Variants in NTRK3 observed in about 807,000 individuals in gnomAD.
NTRK3 encodes NT-3 growth factor receptor.
Under a neutral mutation model 91.7 loss-of-function variants are expected in NTRK3, and 24 were observed. The observed-to-expected ratio is 0.26, with a 90% CI of 0.19 to 0.37. The LOEUF (loss-of-function observed/expected upper bound fraction) is 0.37, where lower values mean the gene tolerates loss of function less well. Ranked by LOEUF, NTRK3 falls within the 10% of genes least tolerant of loss-of-function variation. The pLI is 1.00. For missense variants in NTRK3, 880 were observed against 1,068.9 expected (o/e 0.82, Z 2.46); for synonymous variants, 483 against 404.0 (o/e 1.20, Z -2.34).
At chr15:88,156,420 C>A (rs2043907848) in intron 5 of NTRK3, among the ~76,000 whole-genome samples, 1 of 152,116 alleles carries the variant, frequency 6.6e-6, no homozygotes, top group Admixed American at 6.5e-5. Flanking sequence ...ATGACATCAG[C>A]CTCCTGTTTC....
intron 14 of NTRK3, among the ~76,000 whole-genome samples, chr15:87,980,424 T>G (rs531198581): frequency 6.6e-6 from 1 of 152,210 alleles, no homozygotes; most frequent in African/African-American, 2.4e-5. Context: ...TTTGTGTGCA[T>G]CTGTATGTTT....
intron 14 of NTRK3, among the ~76,000 whole-genome samples, chr15:88,008,033 G>C (rs569344700): frequency 3.3e-5 from 5 of 152,292 alleles, no homozygotes; most frequent in African/African-American, 1.2e-4. Context: ...AGATCTAAGG[G>C]AACAAAACTA....
chr15:88,221,886 G>T (rs1282003612), intron 3 of NTRK3, among the ~76,000 whole-genome samples: 2 of 152,300 alleles, frequency 1.3e-5, no homozygotes, highest in East Asian at 1.9e-4. Context: ...AGGATTGTTT[G>T]GTCCCAACAA....
At chr15:87,877,154 C>A (rs748768158) in intron 18 of NTRK3, 34 bp from the exon 20 acceptor site, 19 of 1,608,826 alleles carry the variant, frequency 1.2e-5, no homozygotes, top group Non-Finnish European at 1.5e-5. Context: ...AAGTTACACC[C>A]AAAGCTCAGC....
chr15:88,006,237 C>G (rs2076477679), intron 14 of NTRK3, among the ~76,000 whole-genome samples: 1 of 152,200 alleles, frequency 6.6e-6, no homozygotes, highest in African/African-American at 2.4e-5. Context: ...CTAGGCTTTT[C>G]TCTCCTTCTC....
chr15:87,913,773 C>T (rs1005681371), intron 17 of NTRK3, among the ~76,000 whole-genome samples: 3 of 152,180 alleles, frequency 2.0e-5, no homozygotes, highest in Middle Eastern at 3.2e-3. Flanking sequence ...GGCCTCTTTA[C>T]GATCAGCAGA....
intron 14 of NTRK3, among the ~76,000 whole-genome samples, chr15:87,948,631 T>C (rs1206405602): frequency 6.6e-6 from 1 of 152,172 alleles, no homozygotes; most frequent in Non-Finnish European, 1.5e-5. Context: ...GAGATTGTGG[T>C]GAGCTGATAT....
At chr15:88,113,094 C>T (rs2051605502) in intron 13 of NTRK3, among the ~76,000 whole-genome samples, 1 of 152,136 alleles carries the variant, frequency 6.6e-6, no homozygotes, top group Non-Finnish European at 1.5e-5. Context: ...CAGACCAACC[C>T]AGTCATTACT....
chr15:88,117,284 A>G lies in NTRK3; in HGVS notation c.1396+8987T>C, dbSNP rs74849577. Among the ~76,000 whole-genome samples the G allele has an allele frequency of 9.8e-3, 1,497 of 152,332 alleles. 32 individuals are homozygous for G. The highest frequency in any genetic ancestry group is 0.034 in the African/African-American group (1,422 of 41,576). ...GTTTTCTCATCTTTAAAGTGGGAAT[A>G]ATAGCCACCTATGAAGTCTCTATAT... On this transcript the variant is annotated intron_variant, in intron 13 of 18. Coordinates refer to ENST00000394480, the Ensembl canonical transcript of NTRK3.
intron 17 of NTRK3, among the ~76,000 whole-genome samples, chr15:87,900,585 G>A (rs182618686): frequency 2.0e-5 from 3 of 152,270 alleles, no homozygotes; most frequent in East Asian, 1.9e-4. Flanking sequence ...AAAATTGCAT[G>A]AGCATAATTT....
rs1233734139 is a variant in NTRK3 at position 87,880,258 on chromosome 15, C to T, written c.2292+12G>A. 6.2e-7 allele frequency: 1 copy of T among 1,613,822 alleles called. No homozygotes were observed. The highest frequency in any genetic ancestry group is 8.5e-7 in the Non-Finnish European group (1 of 1,179,914). ...CTCCCCCAATCAAGATTCCTACGCA[C>T]CCCCTTTTTACCTCCGTGTTTGAGA... is the stretch of plus-strand genomic sequence containing the variant. On this transcript the variant is annotated intron_variant, in intron 18 of 18. Transcript: ENST00000394480.
intron 14 of NTRK3, among the ~76,000 whole-genome samples, chr15:88,003,151 C>T (rs1366304692): frequency 1.3e-5 from 2 of 152,214 alleles, no homozygotes; most frequent in African/African-American, 4.8e-5. Flanking sequence ...CAAATGCTAG[C>T]CACTCACTTG....
intron 11 of NTRK3, 113 bp downstream of exon 11, chr15:88,128,598 A>T: frequency 8.8e-7 from 1 of 1,142,542 alleles, no homozygotes; most frequent in Non-Finnish European, 1.3e-6. Context: ...AGATGCCCTC[A>T]GCTGCCATGG....
At chr15:88,121,428 A>G (rs1469026870) in intron 13 of NTRK3, among the ~76,000 whole-genome samples, 1 of 152,152 alleles carries the variant, frequency 6.6e-6, no homozygotes, top group East Asian at 1.9e-4. Flanking sequence ...CGGTTTCTTC[A>G]CCTGGAAATA....
intron 18 of NTRK3, among the ~76,000 whole-genome samples, chr15:87,879,023 T>C (rs958714089): frequency 1.3e-5 from 2 of 152,140 alleles, no homozygotes; most frequent in East Asian, 1.9e-4. Flanking sequence ...GGTTCTAGTA[T>C]ATATACTTTC....
chr15:87,978,946 G>C (rs544767528), intron 14 of NTRK3: 7 of 342,026 alleles, frequency 2.0e-5, no homozygotes, highest in African/African-American at 1.5e-4. Context: ...CTTCCAAGCA[G>C]GGAAAGTGAG....
intron 13 of NTRK3, among the ~76,000 whole-genome samples, chr15:88,073,581 G>A (rs912244756): frequency 1.3e-5 from 2 of 152,284 alleles, no homozygotes; most frequent in East Asian, 3.9e-4. Flanking sequence ...AAAACCCAGA[G>A]TGCTTTCCTG....
intron 17 of NTRK3, among the ~76,000 whole-genome samples, chr15:87,919,593 G>T (rs1200804088): frequency 6.6e-6 from 1 of 152,176 alleles, no homozygotes. Context: ...AAGGGTGGAG[G>T]TATAGGAGTG....
intron 17 of NTRK3, among the ~76,000 whole-genome samples, chr15:87,900,210 T>G (rs1280386470): frequency 6.6e-6 from 1 of 152,084 alleles, no homozygotes; most frequent in South Asian, 2.1e-4. Flanking sequence ...TGCAAGGTGA[T>G]TCATCAAAAA....
Sources: gnomAD v4.1 joint callset for allele counts (sites outside exome capture counted in the v4.1 genomes callset) on GRCh38, gnomAD v4.1.1 for gene constraint, MANE v1.5 for transcripts, NCBI Gene and HGNC (gene_info 2026-07-23, HGNC 2026-07-21) for gene names.